HMCN2: variants seen among roughly 807,000 people sequenced by gnomAD.
HMCN2 encodes the protein hemicentin 2.
In HMCN2, 325 loss-of-function variants were observed where a neutral mutation model predicts 377.5. The observed-to-expected ratio is 0.86, with a 90% CI of 0.79 to 0.94. The LOEUF (loss-of-function observed/expected upper bound fraction) is 0.94, where lower values mean the gene tolerates loss of function less well. HMCN2 is among the 40% of genes least tolerant of loss of function. The pLI, the probability that HMCN2 is intolerant of heterozygous loss-of-function variation, is 0.00. For missense variants in HMCN2, 4,543 were observed against 4,725.3 expected (o/e 0.96, Z 1.13); for synonymous variants, 2,007 against 2,046.8 (o/e 0.98, Z 0.53).
intron 37 of HMCN2, among the ~76,000 whole-genome samples, 195 bp downstream of exon 37, chr9:130,359,609 C>T (rs1332750495): frequency 6.6e-6 from 1 of 152,242 alleles, no homozygotes; most frequent in Non-Finnish European, 1.5e-5. Flanking sequence ...GGGTCCAGAG[C>T]CAGTGTGAAA....
In HMCN2 at chr9:130,354,748, C is replaced by T. The variant is rs144865509; in HGVS notation, c.4865-15C>T. On this transcript the variant is annotated splice_polypyrimidine_tract_variant and intron_variant, in intron 31 of 97. Coordinates refer to ENST00000683500, the MANE Select transcript of HMCN2 (RefSeq NM_001291815.2). ...CCAGCTGTGGTCCCCAAGCCGCCCC[C>T]TGCCTCTTTTCCAGTCCCACCTACC... is the stretch of plus-strand genomic sequence containing the variant. The T allele has an allele frequency of 1.5e-3, 1,979 of 1,285,746 alleles. 26 individuals carry two copies. The African/African-American group carries it at 0.025, about 16-fold the overall frequency. The allele number at this position is 1,285,746 out of a possible 1,614,324, so 79.6% of individuals were successfully genotyped here.
intron 1 of HMCN2, among the ~76,000 whole-genome samples, chr9:130,280,060 A>G (rs951965740): frequency 3.3e-5 from 5 of 151,736 alleles, no homozygotes; most frequent in Non-Finnish European, 7.4e-5. Flanking sequence ...AGGCAGGGAA[A>G]CTGATCCTCC....
At chr9:130,348,901 C>G in intron 27 of HMCN2, 83 bp from the exon 28 acceptor site, 6 of 1,243,510 alleles carry the variant, frequency 4.8e-6, no homozygotes, top group Non-Finnish European at 5.3e-6. Context: ...GGCCACCTCT[C>G]GGGCCTCAGT....
chr9:130,397,655 G>A lies in HMCN2; in HGVS notation c.11326G>A (p.Glu3776Lys). 2 of 1,289,720 alleles carry A rather than the reference G, an allele frequency of 1.6e-6. No homozygotes were observed. The highest frequency in any genetic ancestry group is 2.3e-5 in the Admixed American group (1 of 43,564). The allele number at this position is 1,289,720 out of a possible 1,614,324, so 79.9% of individuals were successfully genotyped here. Residue 3776 changes from glutamate (E) to lysine (K), a missense_variant and splice_region_variant, in exon 74 of 98, where the codon GAG (glutamate) becomes AAG (lysine). Glu to Lys is a moderately conservative substitution (Grantham distance 56, BLOSUM62 1). Coordinates refer to ENST00000683500, the MANE Select transcript of HMCN2 (RefSeq NM_001291815.2). ...DRQGRDLRVL[E>K]PPAIAPSPSN... Reference sequence around the variant, plus strand: ...TCAAGGCCGTGACCTACGGGTCTTGGGTAGGTGGCCTGGGGAAGGCCTTCA... The same window carrying A: ...TCAAGGCCGTGACCTACGGGTCTTGAGTAGGTGGCCTGGGGAAGGCCTTCA...
At chr9:130,277,334 G>C (rs189347341) in intron 1 of HMCN2, among the ~76,000 whole-genome samples, 5 of 152,380 alleles carry the variant, frequency 3.3e-5, no homozygotes. Context: ...CTGCCCAGCT[G>C]TTTGGCAAAT....
At chr9:130,413,117 G>T (rs1272630503) in intron 85 of HMCN2, among the ~76,000 whole-genome samples, 2 of 152,160 alleles carry the variant, frequency 1.3e-5, no homozygotes, top group Non-Finnish European at 2.9e-5. Context: ...GCTATTTTGG[G>T]TGGAATTGTT....
chr9:130,283,198 G>A lies in HMCN2; in HGVS notation c.260-1405G>A, dbSNP rs566428954. ...CGCTTATCCTCAGGATCCCCGGAAC[G>A]CCAGCCCTGCTGTCCAGCACTGGTA... On this transcript the variant is annotated intron_variant, in intron 1 of 97. Coordinates refer to ENST00000683500, the MANE Select transcript of HMCN2 (RefSeq NM_001291815.2). 2.0e-5 allele frequency among the ~76,000 whole-genome samples: 3 copies of A among 152,034 alleles called. No homozygotes were observed. In the South Asian group the frequency reaches 6.2e-4, roughly 32 times the overall value.
At chr9:130,329,619 T>C (rs1243221773) in intron 22 of HMCN2, among the ~76,000 whole-genome samples, 4 of 152,252 alleles carry the variant, frequency 2.6e-5, no homozygotes, top group African/African-American at 9.6e-5. Context: ...ATTTCTGTAT[T>C]TTTAGTAGAG....
chr9:130,383,570 G>A lies in HMCN2; in HGVS notation c.8800G>A (p.Ala2934Thr), dbSNP rs951802780. ...TGTGGCCGAGAACCAGGCGGGCTCCGCTGAGAAGCTCTTCACCCTCAGGGT... is the reference window on the plus strand; with the variant it reads ...TGTGGCCGAGAACCAGGCGGGCTCCACTGAGAAGCTCTTCACCCTCAGGGT... ...MCVAENQAGS[A>T]EKLFTLRVQV... Residue 2934 changes from alanine (A) to threonine (T), a missense_variant, in exon 57 of 98, where the codon GCT becomes ACT. By Grantham distance (58) the Ala-to-Thr change is moderately conservative. Coordinates refer to ENST00000683500, the MANE Select transcript of HMCN2 (RefSeq NM_001291815.2). The A allele has an allele frequency of 4.1e-6, 4 of 985,900 alleles. No homozygotes were observed. The highest frequency in any genetic ancestry group is 6.1e-5 in the Admixed American group (1 of 16,274). 61.1% of individuals were successfully genotyped at this position (985,900 alleles called of 1,614,324 possible).
chr9:130,386,893 G>T (rs1468824746), intron 61 of HMCN2, among the ~76,000 whole-genome samples: 1 of 152,252 alleles, frequency 6.6e-6, no homozygotes, highest in Non-Finnish European at 1.5e-5. Flanking sequence ...TTAGTAGAGT[G>T]ACTTTGTCCC....
chr9:130,349,235 AG>A, intron 28 of HMCN2, 104 bp downstream of exon 28: 2 of 1,163,580 alleles, frequency 1.7e-6, no homozygotes, highest in Admixed American at 2.6e-5. Context: ...TGCGGAGAGC[AG>A]GGGGCACAGA....
At position 130,429,675 on chromosome 9, in the gene HMCN2, G is replaced by C. The variant is rs1266867700; in HGVS notation, c.14316G>C (p.Leu4772=). ...GTTACCGGATGCAGGGCCCCAGCCT[G>C]CCCTGCCTAGGTACGGGGACACCCA... ...PRGYRMQGPS[L]PCLDVNECLQ... Residue 4772 remains leucine (L), a synonymous_variant, in exon 94 of 98, where the codon CTG becomes CTC. Transcript: ENST00000683500. 1 of 1,532,846 alleles carries C rather than the reference G, an allele frequency of 6.5e-7. No homozygotes were observed. The highest frequency in any genetic ancestry group is 2.0e-5 in the Admixed American group (1 of 49,810). 95.0% of individuals were successfully genotyped at this position (1,532,846 alleles called of 1,614,324 possible). A position where few individuals can be genotyped will look rare whatever the true frequency, so the allele number is the denominator to read the frequency against.
intron 1 of HMCN2, among the ~76,000 whole-genome samples, chr9:130,277,805 C>T (rs797032656): frequency 5.5e-5 from 5 of 91,670 alleles, no homozygotes; most frequent in Non-Finnish European, 9.0e-5. Flanking sequence ...ATCATCACCA[C>T]CACCACCATC....
chr9:130,362,023 C>A lies in HMCN2; in HGVS notation c.5966C>A (p.Thr1989Lys). The change falls in exon 39 of 98, where the codon ACA (threonine) becomes AAA (lysine). Residue 1989 changes from threonine (T) to lysine (K), a missense_variant. Physicochemically the swap from Thr to Lys is moderately conservative, Grantham distance 78. Transcript: ENST00000683500. ...GLRVNVPPRITLPPSLPGPVL... is the reference protein window; with the variant it reads ...GLRVNVPPRIKLPPSLPGPVL... Reference sequence around the variant, plus strand: ...TGCCCTGCAGTGCCCCCTCGAATCACACTGCCACCCAGCCTGCCAGGCCCT... The same window carrying A: ...TGCCCTGCAGTGCCCCCTCGAATCAAACTGCCACCCAGCCTGCCAGGCCCT... 1.0e-6 allele frequency: 1 copy of A among 986,146 alleles called. No individual in the cohort carries two copies. Among genetic ancestry groups the A allele is most frequent in the Non-Finnish European group, 1.2e-6 (1 of 830,130 alleles). The allele number at this position is 986,146 out of a possible 1,614,324, so 61.1% of individuals were successfully genotyped here. A position where few individuals can be genotyped will look rare whatever the true frequency, so the allele number is the denominator to read the frequency against.
At chr9:130,317,319 T>C (rs1230545773) in intron 15 of HMCN2, among the ~76,000 whole-genome samples, 1 of 152,274 alleles carries the variant, frequency 6.6e-6, no homozygotes, top group Non-Finnish European at 1.5e-5. Context: ...CATTGAGCCA[T>C]GAGTGAAATT....
At chr9:130,272,718 T>G (rs1588150769) in intron 1 of HMCN2, among the ~76,000 whole-genome samples, 1 of 152,226 alleles carries the variant, frequency 6.6e-6, no homozygotes, top group East Asian at 1.9e-4. Flanking sequence ...TGGCTAATTT[T>G]TGTGTGTGTA....
At chr9:130,295,911 G>C in intron 6 of HMCN2, 139 bp downstream of exon 6, 1 of 370,228 alleles carries the variant, frequency 2.7e-6, no homozygotes, top group South Asian at 2.0e-5. Context: ...CGTATCAATA[G>C]AAGTAACGGG....
At chr9:130,289,734 G>C (rs1835637728) in intron 4 of HMCN2, among the ~76,000 whole-genome samples, 2 of 152,130 alleles carry the variant, frequency 1.3e-5, no homozygotes, top group African/African-American at 4.8e-5. Flanking sequence ...CTGAAGACTA[G>C]GAACTCTCTC....
At chr9:130,364,929 G>A (rs1442260327) in intron 41 of HMCN2, 40 bp downstream of exon 41, 2 of 982,718 alleles carry the variant, frequency 2.0e-6, no homozygotes, top group Non-Finnish European at 2.4e-6. Context: ...CCTCCACCTC[G>A]GCCCAAGGGC....
Sources: gnomAD v4.1 joint callset for allele counts (sites outside exome capture counted in the v4.1 genomes callset) on GRCh38, gnomAD v4.1.1 for gene constraint, MANE v1.5 for transcripts, NCBI Gene and HGNC (gene_info 2026-07-23, HGNC 2026-07-21) for gene names.